The following SLC35B4 variants were observed in gnomAD, a reference collection of about 807,000 sequenced individuals.
The protein encoded by SLC35B4 is solute carrier family 35 member B4.
In SLC35B4, 28 loss-of-function variants were observed where a neutral mutation model predicts 39.5. The ratio of observed to expected loss-of-function variants is 0.71; its 90% CI spans 0.53 to 0.97. The LOEUF (loss-of-function observed/expected upper bound fraction) is 0.97. SLC35B4 is among the 50% of genes least tolerant of loss of function. The pLI is 0.00. For synonymous variants in SLC35B4, 145 were observed against 150.4 expected, an observed-to-expected ratio of 0.96 and a Z score of 0.26; for missense variants, 334 against 414.3, an observed-to-expected ratio of 0.81 and a Z score of 1.68.
chr7:134,317,907 A>C (rs1017776414), upstream of SLC35B4, among the ~76,000 whole-genome samples: 1 of 152,068 alleles, frequency 6.6e-6, no homozygotes. Context: ...CCCAGTGTCT[A>C]CTATAAAAGG....
chr7:134,316,865 A>G lies in SLC35B4; in HGVS notation c.-114T>C, dbSNP rs1040283594. 8.2e-6 allele frequency: 9 copies of G among 1,094,926 alleles called. No individual in the cohort carries two copies. Among genetic ancestry groups the G allele is most frequent in the Non-Finnish European group, 2.6e-6 (2 of 764,886 alleles). The allele number at this position is 1,094,926 out of a possible 1,614,324, so 67.8% of individuals were successfully genotyped here. ...GCGCAGCACATCGCACCGTCCTGGA[A>G]AGCCGCTCTCACTGGGGGCCGCCGC... On this transcript the variant is annotated 5_prime_UTR_variant, in exon 1 of 10. Coordinates refer to ENST00000378509, the MANE Select transcript of SLC35B4 (RefSeq NM_032826.5).
intron 1 of SLC35B4, 127 bp from the exon 2 acceptor site, chr7:134,309,606 C>A: frequency 1.5e-6 from 1 of 670,994 alleles, no homozygotes; most frequent in Middle Eastern, 2.5e-4. Flanking sequence ...TGTCCTTTAT[C>A]TCAATGTTCA....
chr7:134,300,444 T>C (rs1421486), intron 6 of SLC35B4, among the ~76,000 whole-genome samples, 183 bp from the exon 7 acceptor site: 76,628 of 151,984 alleles, frequency 0.5, 19,843 homozygotes, highest in African/African-American at 0.6. Flanking sequence ...TTCTACATCT[T>C]CTTATATATT....
intron 3 of SLC35B4, 77 bp from the exon 4 acceptor site, chr7:134,304,931 A>G (rs1803671919): frequency 9.0e-7 from 1 of 1,106,234 alleles, no homozygotes. Context: ...GAATAGGAAC[A>G]TGGGCAAGGG....
chr7:134,316,313 G>A (rs1196695652), intron 1 of SLC35B4, among the ~76,000 whole-genome samples: 4 of 152,188 alleles, frequency 2.6e-5, no homozygotes, highest in Admixed American at 6.5e-5. Flanking sequence ...AAGGAACCTT[G>A]GTTCTGACAC....
At chr7:134,314,638 C>T (rs1054983352) in intron 1 of SLC35B4, among the ~76,000 whole-genome samples, 4 of 152,076 alleles carry the variant, frequency 2.6e-5, no homozygotes, top group Non-Finnish European at 4.4e-5. Flanking sequence ...CGGGTTCTAA[C>T]GATTATCCTG....
chr7:134,316,604 G>A (rs1445140072), intron 1 of SLC35B4, 71 bp downstream of exon 1: 4 of 1,482,888 alleles, frequency 2.7e-6, no homozygotes, highest in Non-Finnish European at 3.7e-6. Flanking sequence ...GGCGCGTCCC[G>A]GGGGGACCTC....
At chr7:134,301,910 C>T (rs921739493) in intron 5 of SLC35B4, 89 bp from the exon 6 acceptor site, 50 of 1,495,378 alleles carry the variant, frequency 3.3e-5, no homozygotes, top group Non-Finnish European at 4.4e-5. Context: ...TTACCCATTT[C>T]CCTCCCCTCT....
Position 134,290,045 on chromosome 7 carries a change from A to G in SLC35B4, c.*4788T>C, listed in dbSNP as rs1359714463. 1 of 152,200 alleles carries G rather than the reference A, an allele frequency of 6.6e-6. No homozygotes were observed. Among genetic ancestry groups the G allele is most frequent in the Non-Finnish European group, 1.5e-5 (1 of 68,034 alleles). The allele number at this position is 152,200 out of a possible 1,614,324, so 9.4% of individuals were successfully genotyped here. The stretch of plus-strand genomic sequence containing the variant: ...CAGCTGCTACAAGCTAACTGTACCA[A>G]CTATGGAGATGTAAGGGTGGGGCTG... On this transcript the variant is annotated 3_prime_UTR_variant, in exon 10 of 10. Coordinates refer to ENST00000378509, the MANE Select transcript of SLC35B4 (RefSeq NM_032826.5).
At chr7:134,305,036 T>C (rs1425133587) in intron 3 of SLC35B4, among the ~76,000 whole-genome samples, 182 bp from the exon 4 acceptor site, 1 of 152,174 alleles carries the variant, frequency 6.6e-6, no homozygotes, top group East Asian at 1.9e-4. Context: ...AAATCTACTA[T>C]GATGGCCGGG....
Position 134,301,833 on chromosome 7 carries a change from G to A in SLC35B4, c.427-12C>T. On this transcript the variant is annotated splice_polypyrimidine_tract_variant and intron_variant, in intron 5 of 9. Transcript: ENST00000378509. ...CTGGACTGGGAAGTCTAGGAAATAA[G>A]AAAATAAACTAGGTACAGAGAGCAG... is the stretch of plus-strand genomic sequence containing the variant. The A allele has an allele frequency of 6.2e-7, 1 of 1,613,368 alleles. No individual in the cohort carries two copies. The highest frequency in any genetic ancestry group is 8.5e-7 in the Non-Finnish European group (1 of 1,179,404).
intron 8 of SLC35B4, among the ~76,000 whole-genome samples, chr7:134,298,392 A>G (rs967381528): frequency 6.6e-6 from 1 of 152,240 alleles, no homozygotes; most frequent in African/African-American, 2.4e-5. Flanking sequence ...TCAGAAACTT[A>G]ATCTCAAGGA....
chr7:134,309,241 A>C lies in SLC35B4; in HGVS notation c.191+125T>G, dbSNP rs115980556. 126 of 585,212 alleles carry C rather than the reference A, an allele frequency of 2.2e-4. No homozygotes were observed. In the African/African-American group the frequency reaches 2.2e-3, roughly 10 times the overall value. 36.3% of individuals were successfully genotyped at this position (585,212 alleles called of 1,614,324 possible). On this transcript the variant is annotated intron_variant, in intron 2 of 9. Coordinates refer to ENST00000378509, the MANE Select transcript of SLC35B4 (RefSeq NM_032826.5). ...ACATATTAAATTCAGAAAATGACTT[A>C]TTATTCTACTGGTATCTTTGAAATA...
chr7:134,300,216 C>T lies in SLC35B4; in HGVS notation c.533G>A (p.Gly178Glu). 1 of 1,612,996 alleles carries T rather than the reference C, an allele frequency of 6.2e-7. No homozygotes were observed. The highest frequency in any genetic ancestry group is 8.5e-7 in the Non-Finnish European group (1 of 1,179,750). ...TTTGTAGAGAGTCTCTTGGAATATC[C>T]CCATCCTTGCTGACATCAGAAGAGC... ...TFALLMSARM[G>E]IFQETLYKRF... Residue 178 changes from glycine (G) to glutamate (E), a missense_variant, in exon 7 of 10, where the codon GGG (glycine) becomes GAG (glutamate). Transcript: ENST00000378509.
At chr7:134,311,604 G>A (rs535174489) in intron 1 of SLC35B4, among the ~76,000 whole-genome samples, 125 of 152,226 alleles carry the variant, frequency 8.2e-4, no homozygotes, top group Non-Finnish European at 1.0e-3. Context: ...GCAGTGAGCC[G>A]AGATCATGCC....
At chr7:134,299,351 C>T (rs1462537457) in intron 8 of SLC35B4, 172 bp downstream of exon 8, 3 of 496,266 alleles carry the variant, frequency 6.0e-6, no homozygotes, top group African/African-American at 4.0e-5. Flanking sequence ...ATTGAGAAAC[C>T]CCTGTAAAAG....
chr7:134,302,913 C>A (rs1052976134), intron 4 of SLC35B4, among the ~76,000 whole-genome samples: 11 of 152,170 alleles, frequency 7.2e-5, no homozygotes, highest in African/African-American at 2.4e-4. Flanking sequence ...GAGGACCACG[C>A]TAGAGAGCGG....
chr7:134,295,229 A>G, intron 9 of SLC35B4, 150 bp from the exon 10 acceptor site: 1 of 941,854 alleles, frequency 1.1e-6, no homozygotes, highest in Non-Finnish European at 1.6e-6. Context: ...CCTGGGGAGA[A>G]CCTGCAGAAC....
chr7:134,308,819 G>C (rs1359912939), intron 2 of SLC35B4, among the ~76,000 whole-genome samples: 1 of 152,126 alleles, frequency 6.6e-6, no homozygotes, highest in Non-Finnish European at 1.5e-5. Flanking sequence ...TGCACATTTG[G>C]ACTAATGTAC....
Sources: gnomAD v4.1 joint callset for allele counts (sites outside exome capture counted in the v4.1 genomes callset) on GRCh38, gnomAD v4.1.1 for gene constraint, MANE v1.5 for transcripts, NCBI Gene and HGNC (gene_info 2026-07-23, HGNC 2026-07-21) for gene names.